DPYSL3: variants seen among roughly 807,000 people sequenced by gnomAD.
DPYSL3 encodes the protein dihydropyrimidinase like 3.
Under a neutral mutation model 66.1 loss-of-function variants are expected in DPYSL3, and 16 were observed. That is an observed-to-expected ratio of 0.24 (90% confidence interval 0.16 to 0.37). The LOEUF (loss-of-function observed/expected upper bound fraction) is 0.37, where lower values mean the gene tolerates loss of function less well. Among genes scored for constraint, DPYSL3 ranks in the 10% least tolerant of loss-of-function variants. DPYSL3 has a pLI of 1.00. For synonymous variants in DPYSL3, 338 were observed against 345.1 expected, an observed-to-expected ratio of 0.98 and a Z score of 0.23; for missense variants, 738 against 916.2, an observed-to-expected ratio of 0.81 and a Z score of 2.51.
intron 1 of DPYSL3, among the ~76,000 whole-genome samples, chr5:147,451,495 C>A (rs1287838866): frequency 2.0e-5 from 3 of 152,184 alleles, no homozygotes; most frequent in Non-Finnish European, 4.4e-5. Flanking sequence ...TTTACTGGAG[C>A]TCCTAAGGCA....
intron 1 of DPYSL3, among the ~76,000 whole-genome samples, chr5:147,460,058 C>T (rs1026653450): frequency 2.0e-5 from 3 of 151,768 alleles, no homozygotes; most frequent in African/African-American, 7.3e-5. Flanking sequence ...TTACAGTGAG[C>T]CAGGATCGAG....
chr5:147,451,216 C>T (rs938661865), intron 1 of DPYSL3, among the ~76,000 whole-genome samples: 1 of 152,214 alleles, frequency 6.6e-6, no homozygotes, highest in Non-Finnish European at 1.5e-5. Context: ...CATGCCCTTC[C>T]TTTTCATCCC....
chr5:147,447,997 C>T (rs989607237), intron 1 of DPYSL3, among the ~76,000 whole-genome samples: 5 of 152,072 alleles, frequency 3.3e-5, no homozygotes, highest in Admixed American at 6.6e-5. Flanking sequence ...AACATTTTGC[C>T]GTTTTTCAAA....
intron 1 of DPYSL3, among the ~76,000 whole-genome samples, chr5:147,449,339 C>A (rs990221671): frequency 6.6e-6 from 1 of 152,202 alleles, no homozygotes; most frequent in Non-Finnish European, 1.5e-5. Context: ...CGCCCTAGAC[C>A]GAACTTTGCA....
chr5:147,456,979 C>T lies in DPYSL3; in HGVS notation c.382-32016G>A, dbSNP rs540825110. ...GTGTTTAGCCATCATTTGGCTATCA[C>T]CTGAATTATTGTAACCTCCTAACTG... On this transcript the variant is annotated intron_variant, in intron 1 of 13. Transcript: ENST00000343218. Among the ~76,000 whole-genome samples, 6 of 152,208 alleles carry T rather than the reference C, an allele frequency of 3.9e-5. No homozygotes were observed. In the East Asian group the frequency reaches 5.8e-4, roughly 15 times the overall value.
chr5:147,479,443 A>G (rs1460979058), intron 1 of DPYSL3, among the ~76,000 whole-genome samples: 1 of 152,212 alleles, frequency 6.6e-6, no homozygotes, highest in Non-Finnish European at 1.5e-5. Context: ...AGTCTTGTCA[A>G]CTCAGTGAAG....
At chr5:147,430,266 C>G (rs139669519) in intron 1 of DPYSL3, among the ~76,000 whole-genome samples, 4 of 151,722 alleles carry the variant, frequency 2.6e-5, no homozygotes, top group Non-Finnish European at 4.4e-5. Flanking sequence ...GAGGCCGAGG[C>G]GGGTGGGTCA....
rs201003028 is a variant in DPYSL3, at chr5:147,452,928, T to TA, written c.382-27966dup. On this transcript the variant is annotated intron_variant, in intron 1 of 13. Transcript: ENST00000343218. ...ACACACACACACACACACACACACA[T>TA]AAAGTTGATCATTCCCACTGCAGCC... 8.0e-3 allele frequency among the ~76,000 whole-genome samples: 845 copies of TA among 105,078 alleles called. 12 individuals are homozygous for TA. Among genetic ancestry groups the TA allele is most frequent in the African/African-American group, 0.028 (817 of 29,330 alleles). The allele number at this position is 105,078 out of a possible 152,430, so 68.9% of individuals were successfully genotyped here.
At chr5:147,458,129 G>A (rs986245358) in intron 1 of DPYSL3, among the ~76,000 whole-genome samples, 5 of 152,144 alleles carry the variant, frequency 3.3e-5, no homozygotes, top group Non-Finnish European at 7.4e-5. Context: ...GTAAAATGAG[G>A]CCGAGACCTG....
chr5:147,401,650 A>G lies in DPYSL3; in HGVS notation c.1200T>C (p.Asp400=), dbSNP rs1581173424. The G allele has an allele frequency of 1.9e-6, 3 of 1,614,058 alleles. No individual in the cohort carries two copies. The highest frequency in any genetic ancestry group is 1.7e-6 in the Non-Finnish European group (2 of 1,180,038). Residue 400 remains aspartate (D), a synonymous_variant, in exon 9 of 14, where the codon GAT becomes GAC. Transcript: ENST00000343218. The stretch of plus-strand genomic sequence containing the variant: ...AGTTCTTGCTCCAATAATGGGTTCC[A>G]TCTATGCCGAGGCTGGCAGTGATGG... ...GEPITASLGI[D]GTHYWSKNWA...
chr5:147,502,362 A>G (rs975386268), intron 1 of DPYSL3, among the ~76,000 whole-genome samples: 1 of 142,236 alleles, frequency 7.0e-6, no homozygotes, highest in Non-Finnish European at 1.5e-5. Context: ...TGGGAAAAAA[A>G]TGCATGTCAC....
chr5:147,501,990 G>A (rs1014223902), intron 1 of DPYSL3, among the ~76,000 whole-genome samples: 12 of 152,032 alleles, frequency 7.9e-5, no homozygotes, highest in Admixed American at 2.0e-4. Flanking sequence ...GTCTGCTCAG[G>A]CTGCTATAAC....
chr5:147,417,488 C>T (rs998563576), intron 3 of DPYSL3, among the ~76,000 whole-genome samples: 1 of 152,154 alleles, frequency 6.6e-6, no homozygotes, highest in African/African-American at 2.4e-5. Context: ...GAAGCTGAAC[C>T]CTGCTTATGC....
rs1455095183 is a variant in DPYSL3 at position 147,401,671 on chromosome 5, G to A, written c.1179C>T (p.Ile393=). 1 of 1,614,170 alleles carries A rather than the reference G, an allele frequency of 6.2e-7. No individual in the cohort carries two copies. Among genetic ancestry groups the A allele is most frequent in the East Asian group, 2.2e-5 (1 of 44,868 alleles). The change falls in exon 9 of 14, where the codon ATC becomes ATT. Residue 393 remains isoleucine (I), a synonymous_variant. Coordinates refer to ENST00000343218, the MANE Select transcript of DPYSL3 (RefSeq NM_001197294.2). ...TTCCATCTATGCCGAGGCTGGCAGT[G>A]ATGGGCTCACCAAAGACTACATTTC... ...KKGNVVFGEP[I]TASLGIDGTH...
chr5:147,442,731 T>C (rs1182476470), intron 1 of DPYSL3, among the ~76,000 whole-genome samples: 1 of 152,156 alleles, frequency 6.6e-6, no homozygotes, highest in Non-Finnish European at 1.5e-5. Context: ...AATTAAATTA[T>C]GGAAGGATAT....
intron 6 of DPYSL3, 64 bp from the exon 7 acceptor site, chr5:147,408,860 G>T: frequency 2.7e-6 from 4 of 1,498,966 alleles, no homozygotes; most frequent in Non-Finnish European, 2.8e-6. Context: ...AATTACGCTG[G>T]TATGTTCTGA....
chr5:147,446,400 A>G (rs924095239), intron 1 of DPYSL3, among the ~76,000 whole-genome samples: 1 of 152,240 alleles, frequency 6.6e-6, no homozygotes, highest in Admixed American at 6.5e-5. Flanking sequence ...CTCTTAAAAA[A>G]TAAAATCTCG....
intron 8 of DPYSL3, among the ~76,000 whole-genome samples, chr5:147,402,499 C>T (rs1211662844): frequency 6.7e-6 from 1 of 148,218 alleles, no homozygotes; most frequent in Admixed American, 6.6e-5. Context: ...AGGCGCCCGC[C>T]ACCACGCCCG....
chr5:147,421,268 C>A (rs1044874761), intron 2 of DPYSL3, among the ~76,000 whole-genome samples: 2 of 152,016 alleles, frequency 1.3e-5, no homozygotes, highest in Non-Finnish European at 1.5e-5. Flanking sequence ...TTCACAATTA[C>A]TACAAAGAGA....
Sources: gnomAD v4.1 joint callset for allele counts (sites outside exome capture counted in the v4.1 genomes callset) on GRCh38, gnomAD v4.1.1 for gene constraint, MANE v1.5 for transcripts, NCBI Gene and HGNC (gene_info 2026-07-23, HGNC 2026-07-21) for gene names.